The following FAM193A variants were observed in gnomAD, a reference collection of about 807,000 sequenced individuals.
FAM193A encodes family with sequence similarity 193 member A, also known as protein FAM193A.
Under a neutral mutation model 126.5 loss-of-function variants are expected in FAM193A, and 22 were observed. The observed-to-expected ratio is 0.17, with a 90% CI of 0.12 to 0.25. FAM193A has a LOEUF of 0.25. FAM193A is among the 10% of genes least tolerant of loss of function. The probability of loss-of-function intolerance (pLI) is 1.00; values close to 1 mark genes in which losing one functional copy is unlikely to be tolerated. For synonymous variants in FAM193A, 761 were observed against 646.8 expected (o/e 1.18, Z -2.68); for missense variants, 1,675 against 1,672.8 (o/e 1.00, Z -0.02).
chr4:2,678,358 TG>T (rs367793909), intron 13 of FAM193A, among the ~76,000 whole-genome samples: 6 of 144,174 alleles, frequency 4.2e-5, no homozygotes, highest in African/African-American at 5.2e-5. Context: ...TTGGTTTTGG[TG>T]GTTTTTTTTT....
At chr4:2,559,745 C>T (rs557722730) in intron 1 of FAM193A, among the ~76,000 whole-genome samples, 4 of 152,272 alleles carry the variant, frequency 2.6e-5, no homozygotes, top group Admixed American at 2.0e-4. Flanking sequence ...CTTTCTTTGA[C>T]GGCCCCTCTC....
intron 12 of FAM193A, among the ~76,000 whole-genome samples, chr4:2,670,583 C>A (rs183047075): frequency 6.6e-6 from 1 of 152,252 alleles, no homozygotes; most frequent in Admixed American, 6.5e-5. Flanking sequence ...CCTCAGCCCC[C>A]CAAGTACTTG....
rs139977579 is a variant in FAM193A, at chr4:2,631,117, A to G, written c.986A>G (p.Tyr329Cys). Reference protein sequence around the residue: ...HQFISLLLEEYGALCQAARSI... With the variant: ...HQFISLLLEECGALCQAARSI... ...TTCATCTCCCTCCTGCTTGAGGAGT[A>G]CGGCGCCCTCTGCCAGGCCGCACGC... is the stretch of plus-strand genomic sequence containing the variant. Residue 329 changes from tyrosine to cysteine, a missense_variant, in exon 5 of 21, where the codon TAC becomes TGC. By Grantham distance (194) the Tyr-to-Cys change is radical. Coordinates refer to ENST00000637812, the MANE Select transcript of FAM193A (RefSeq NM_001366318.2). 1 of 1,613,602 alleles carries G rather than the reference A, an allele frequency of 6.2e-7. No individual in the cohort carries two copies.
chr4:2,682,659 TTTTA>T (rs1715286430), intron 13 of FAM193A, among the ~76,000 whole-genome samples: 2 of 152,232 alleles, frequency 1.3e-5, no homozygotes, highest in African/African-American at 2.4e-5. Context: ...AGTATATCAA[TTTTA>T]TTTATCTTTT....
chr4:2,557,693 C>T (rs1375999147), intron 1 of FAM193A, among the ~76,000 whole-genome samples: 2 of 152,102 alleles, frequency 1.3e-5, no homozygotes, highest in East Asian at 3.8e-4. Context: ...TGGCTCACGC[C>T]TGTAATCTCA....
At chr4:2,637,124 C>G (rs1342760022) in intron 5 of FAM193A, among the ~76,000 whole-genome samples, 1 of 152,130 alleles carries the variant, frequency 6.6e-6, no homozygotes, top group Non-Finnish European at 1.5e-5. Flanking sequence ...CCCAGGAGTT[C>G]AAGACCAGCC....
At chr4:2,644,425 G>A (rs1263795254) in intron 6 of FAM193A, among the ~76,000 whole-genome samples, 1 of 152,176 alleles carries the variant, frequency 6.6e-6, no homozygotes, top group East Asian at 1.9e-4. Context: ...AACCAGTCAC[G>A]GAAGAGCAAG....
At chr4:2,539,103 A>T (rs111689640) in intron 1 of FAM193A, among the ~76,000 whole-genome samples, 3,019 of 151,810 alleles carry the variant, frequency 0.02, 102 homozygotes, top group African/African-American at 0.07. Flanking sequence ...TATGTTGGGC[A>T]GGCTGGTCTT....
chr4:2,603,201 G>T (rs1019317345), intron 2 of FAM193A, among the ~76,000 whole-genome samples: 2 of 149,688 alleles, frequency 1.3e-5, no homozygotes, highest in African/African-American at 2.5e-5. Context: ...CACCGTGTTA[G>T]CCAGGATGGT....
intron 1 of FAM193A, among the ~76,000 whole-genome samples, chr4:2,589,017 A>G (rs1740381171): frequency 6.6e-6 from 1 of 152,186 alleles, no homozygotes; most frequent in Non-Finnish European, 1.5e-5. Context: ...TTTTGTAGAT[A>G]TTTGTGCTGT....
intron 5 of FAM193A, among the ~76,000 whole-genome samples, chr4:2,634,646 AC>A (rs1743917545): frequency 1.3e-5 from 2 of 152,196 alleles, no homozygotes; most frequent in Non-Finnish European, 2.9e-5. Flanking sequence ...AGAAACAAAA[AC>A]TTTTTTTAGA....
intron 1 of FAM193A, among the ~76,000 whole-genome samples, chr4:2,558,420 T>G (rs1232422475): frequency 1.3e-5 from 2 of 152,186 alleles, no homozygotes; most frequent in Non-Finnish European, 2.9e-5. Flanking sequence ...CAGTCCCTAT[T>G]GCCCAGGCTG....
chr4:2,591,391 G>C (rs1740564326), intron 1 of FAM193A, among the ~76,000 whole-genome samples: 1 of 152,122 alleles, frequency 6.6e-6, no homozygotes, highest in Admixed American at 6.5e-5. Flanking sequence ...ACAATCGAAG[G>C]GTTTAAGGCA....
At chr4:2,707,349 A>G (rs1452366347) in intron 19 of FAM193A, among the ~76,000 whole-genome samples, 2 of 152,228 alleles carry the variant, frequency 1.3e-5, no homozygotes, top group South Asian at 2.1e-4. Context: ...TTTAATCACC[A>G]TTGTTTTTAA....
intron 15 of FAM193A, among the ~76,000 whole-genome samples, chr4:2,691,731 G>A (rs563570435): frequency 5.1e-4 from 78 of 151,488 alleles, no homozygotes; most frequent in African/African-American, 1.9e-3. Flanking sequence ...CTTAAGCCTG[G>A]GAGTTTGAGA....
chr4:2,668,282 T>C (rs1713369645), intron 12 of FAM193A, among the ~76,000 whole-genome samples: 4 of 151,784 alleles, frequency 2.6e-5, no homozygotes, highest in African/African-American at 9.7e-5. Flanking sequence ...GGCGCAATCT[T>C]GGCTCACTGC....
At chr4:2,652,908 C>T (rs17164070) in intron 7 of FAM193A, among the ~76,000 whole-genome samples, 3 of 152,154 alleles carry the variant, frequency 2.0e-5, no homozygotes, top group South Asian at 2.1e-4. Flanking sequence ...TGCCAAACCC[C>T]GTGTGGCTAG....
chr4:2,620,836 C>CAAAAAAAAAAAAAAAAAAAAAA (rs34305537), intron 2 of FAM193A, among the ~76,000 whole-genome samples: 14 of 69,086 alleles, frequency 2.0e-4, no homozygotes, highest in South Asian at 4.9e-4. Flanking sequence ...AACTCCGTCT[C>CAAAAAAAAAAAAAAAAAAAAAA]AAAAAAAAAA....
intron 1 of FAM193A, among the ~76,000 whole-genome samples, chr4:2,546,884 G>A (rs1231927063): frequency 1.3e-5 from 2 of 152,154 alleles, no homozygotes; most frequent in African/African-American, 4.8e-5. Context: ...ATGTCTGAGA[G>A]TTCTGGTTGC....
Sources: allele counts gnomAD v4.1 joint callset (sites outside exome capture counted in the v4.1 genomes callset), GRCh38; gene constraint gnomAD v4.1.1; transcripts MANE v1.5; gene names NCBI Gene and HGNC (gene_info 2026-07-23, HGNC 2026-07-21).